The following CNTNAP2 variants were observed in gnomAD, a reference collection of about 807,000 sequenced individuals.
The protein encoded by CNTNAP2 is contactin-associated protein-like 2.
A neutral mutation model predicts 155.2 loss-of-function variants in CNTNAP2; 98 were observed. That is an observed-to-expected ratio of 0.63 (90% CI 0.54 to 0.75). The LOEUF (loss-of-function observed/expected upper bound fraction) is 0.75, where lower values mean the gene tolerates loss of function less well. Ranked by LOEUF, CNTNAP2 falls within the 30% of genes least tolerant of loss-of-function variation. CNTNAP2 has a pLI of 0.00. For synonymous variants in CNTNAP2, 651 were observed against 631.2 expected (o/e 1.03, Z -0.47); for missense variants, 1,727 against 1,688.1 (o/e 1.02, Z -0.40).
At chr7:147,083,911 A>ATATACACATGTATGTACATAT (rs1800206384) in intron 4 of CNTNAP2, among the ~76,000 whole-genome samples, 1 of 115,496 alleles carries the variant, frequency 8.7e-6, no homozygotes, top group Non-Finnish European at 1.9e-5. Context: ...TATTATATGC[A>ATATACACATGTATGTACATAT]TATATACATA....
intron 1 of CNTNAP2, among the ~76,000 whole-genome samples, chr7:146,122,325 GTTTAAT>G (rs1797575272): frequency 6.6e-6 from 1 of 152,152 alleles, no homozygotes; most frequent in Non-Finnish European, 1.5e-5. Context: ...TTGAGACTCT[GTTTAAT>G]TTTAGAAATA....
At chr7:148,120,750 T>C (rs1276111226) in intron 16 of CNTNAP2, among the ~76,000 whole-genome samples, 3 of 152,140 alleles carry the variant, frequency 2.0e-5, no homozygotes, top group African/African-American at 7.2e-5. Flanking sequence ...AAGACCCAGA[T>C]TCGAGCCTCT....
intron 1 of CNTNAP2, among the ~76,000 whole-genome samples, chr7:146,138,157 A>G (rs955208469): frequency 2.0e-5 from 3 of 152,158 alleles, no homozygotes; most frequent in Non-Finnish European, 4.4e-5. Flanking sequence ...TAAATTGATG[A>G]TAAATGTCAC....
intron 13 of CNTNAP2, among the ~76,000 whole-genome samples, chr7:147,812,935 C>T (rs927163440): frequency 2.0e-5 from 3 of 151,964 alleles, no homozygotes; most frequent in Non-Finnish European, 4.4e-5. Context: ...AAGGAATATA[C>T]ATGTAGTATA....
chr7:146,854,802 A>C (rs775813125), intron 3 of CNTNAP2, among the ~76,000 whole-genome samples: 5 of 152,182 alleles, frequency 3.3e-5, no homozygotes, highest in Non-Finnish European at 7.4e-5. Flanking sequence ...TGCAGTTGGC[A>C]TGCACAGGGA....
At chr7:147,998,595 G>T (rs939517546) in intron 15 of CNTNAP2, among the ~76,000 whole-genome samples, 3 of 152,210 alleles carry the variant, frequency 2.0e-5, no homozygotes, top group Admixed American at 2.0e-4. Flanking sequence ...AAGAGAATGA[G>T]TAAAGACCAT....
chr7:146,296,286 A>G (rs1337602278), intron 1 of CNTNAP2, among the ~76,000 whole-genome samples: 2 of 152,062 alleles, frequency 1.3e-5, no homozygotes, highest in African/African-American at 2.4e-5. Flanking sequence ...GCACTCTTCA[A>G]CCAATTCATG....
intron 3 of CNTNAP2, among the ~76,000 whole-genome samples, chr7:147,024,225 C>T (rs1475125674): frequency 6.6e-6 from 1 of 151,992 alleles, no homozygotes; most frequent in Admixed American, 6.6e-5. Context: ...ATTTGTATTA[C>T]GTTTAAAGAG....
In CNTNAP2 at chr7:148,415,471, G is replaced by A. The variant is rs751307599; in HGVS notation, c.3851G>A (p.Arg1284Gln). Residue 1284 changes from arginine (R) to glutamine (Q), a missense_variant, in exon 24 of 24, where the codon CGG (arginine) becomes CAG (glutamine). Arg to Gln is a conservative substitution (Grantham distance 43, BLOSUM62 1). Coordinates refer to ENST00000361727, the MANE Select transcript of CNTNAP2 (RefSeq NM_014141.6). ...CTGTGCACCCTGGTCTTCCTGATCC[G>A]GTACATGTTCCGCCACAAGGGCACC... is the stretch of plus-strand genomic sequence containing the variant. ...TILCTLVFLI[R>Q]YMFRHKGTYH... 1.3e-5 allele frequency: 21 copies of A among 1,614,028 alleles called. No homozygotes were observed. The highest frequency in any genetic ancestry group is 3.3e-5 in the South Asian group (3 of 91,078).
At chr7:146,749,839 G>T (rs2129182336) in intron 1 of CNTNAP2, among the ~76,000 whole-genome samples, 1 of 152,230 alleles carries the variant, frequency 6.6e-6, no homozygotes, top group South Asian at 2.1e-4. Flanking sequence ...CCTACCACTG[G>T]CAGAAGAGCC....
At chr7:146,187,857 A>G (rs1798645981) in intron 1 of CNTNAP2, among the ~76,000 whole-genome samples, 1 of 152,170 alleles carries the variant, frequency 6.6e-6, no homozygotes, top group South Asian at 2.1e-4. Flanking sequence ...TCTGAAAACT[A>G]TAATAACAAA....
intron 21 of CNTNAP2, among the ~76,000 whole-genome samples, chr7:148,308,158 T>G (rs567639023): frequency 1.8e-4 from 27 of 152,168 alleles, no homozygotes; most frequent in Non-Finnish European, 3.2e-4. Flanking sequence ...AATACTAGGT[T>G]TTTCCTCCCA....
chr7:146,166,886 A>C lies in CNTNAP2; in HGVS notation c.97+49913A>C, dbSNP rs568233703. On this transcript the variant is annotated intron_variant, in intron 1 of 23. Coordinates refer to ENST00000361727, the MANE Select transcript of CNTNAP2 (RefSeq NM_014141.6). ...GCATAAGCCAGGTAGTGAAAGCTCA[A>C]ATCTGGTCCAAGAGCTGTGAAATGG... is the stretch of plus-strand genomic sequence containing the variant. Among the ~76,000 whole-genome samples the C allele has an allele frequency of 2.0e-5, 3 of 152,332 alleles. No individual in the cohort carries two copies. The South Asian group carries it at 6.2e-4, about 32-fold the overall frequency.
chr7:148,077,793 C>G (rs1803520122), intron 15 of CNTNAP2, among the ~76,000 whole-genome samples: 1 of 152,116 alleles, frequency 6.6e-6, no homozygotes, highest in African/African-American at 2.4e-5. Context: ...CAAGTATTTC[C>G]TATTATGTTA....
intron 4 of CNTNAP2, among the ~76,000 whole-genome samples, chr7:147,047,031 C>CAAAA (rs1230362426): frequency 2.0e-5 from 1 of 49,870 alleles, no homozygotes. Context: ...GACTCCGTGT[C>CAAAA]AAAAAAAAAA....
intron 2 of CNTNAP2, among the ~76,000 whole-genome samples, chr7:146,810,001 C>G (rs1803034672): frequency 6.6e-6 from 1 of 152,114 alleles, no homozygotes; most frequent in Non-Finnish European, 1.5e-5. Context: ...TTAAGTCTTT[C>G]ATACATTTGG....
intron 5 of CNTNAP2, 27 bp from the exon 6 acceptor site, chr7:147,120,952 G>T: frequency 6.2e-7 from 1 of 1,610,646 alleles, no homozygotes; most frequent in Non-Finnish European, 8.5e-7. Flanking sequence ...TCATTGCATT[G>T]TTTCTTTTTC....
chr7:146,520,313 C>CAT (rs59563196), intron 1 of CNTNAP2, among the ~76,000 whole-genome samples: 69,720 of 140,368 alleles, frequency 0.5, 17,213 homozygotes, highest in Admixed American at 0.57. Flanking sequence ...TAGATATATT[C>CAT]ATATATATAT....
chr7:146,343,145 C>A (rs1477169931), intron 1 of CNTNAP2, among the ~76,000 whole-genome samples: 6 of 150,454 alleles, frequency 4.0e-5, no homozygotes, highest in African/African-American at 9.8e-5. Flanking sequence ...TAACTTTATT[C>A]TCTAATAGAT....
Sources: gnomAD v4.1 joint callset for allele counts (sites outside exome capture counted in the v4.1 genomes callset) on GRCh38, gnomAD v4.1.1 for gene constraint, MANE v1.5 for transcripts, NCBI Gene and HGNC (gene_info 2026-07-23, HGNC 2026-07-21) for gene names.